The following SGMS1 variants were observed in gnomAD, a reference collection of about 807,000 sequenced individuals.
SGMS1 encodes the protein phosphatidylcholine:ceramide cholinephosphotransferase 1.
Under a neutral mutation model 46.2 loss-of-function variants are expected in SGMS1, and 13 were observed. That is an observed-to-expected ratio of 0.28 (90% CI 0.18 to 0.45). The LOEUF is 0.45. SGMS1 is among the 20% of genes least tolerant of loss of function. SGMS1 has a pLI of 1.00. For missense variants in SGMS1, 324 were observed against 519.9 expected, an observed-to-expected ratio of 0.62 and a Z score of 3.66; for synonymous variants, 203 against 187.8, an observed-to-expected ratio of 1.08 and a Z score of -0.66.
intron 5 of SGMS1, among the ~76,000 whole-genome samples, chr10:50,449,385 C>T (rs1194837107): frequency 1.3e-5 from 2 of 152,078 alleles, no homozygotes; most frequent in Admixed American, 6.5e-5. Flanking sequence ...GAGTGCAGGG[C>T]TTTGATTATG....
chr10:50,445,057 C>A (rs899417402), intron 5 of SGMS1, among the ~76,000 whole-genome samples: 4 of 152,058 alleles, frequency 2.6e-5, no homozygotes, highest in African/African-American at 9.7e-5. Flanking sequence ...AAAGATTTGA[C>A]AAGATACTTC....
Position 50,307,950 on chromosome 10 carries a change from C to T in SGMS1, c.1062+32G>A, listed in dbSNP as rs1314940041. The T allele has an allele frequency of 1.9e-6, 3 of 1,611,746 alleles. No individual in the cohort carries two copies. The highest frequency in any genetic ancestry group is 2.2e-5 in the South Asian group (2 of 90,792). On this transcript the variant is annotated intron_variant, in intron 10 of 10. Coordinates refer to ENST00000361781, the MANE Select transcript of SGMS1 (RefSeq NM_147156.4). The surrounding 1 kb of genome is among the most constrained non-coding windows in gnomAD (Gnocchi z 4.2). Reference sequence around the variant, plus strand: ...GCCAGCAACATCAAGCCAGAAACAACAGAAGCTAAAATCAAAAGCGGGGAA... The same window carrying T: ...GCCAGCAACATCAAGCCAGAAACAATAGAAGCTAAAATCAAAAGCGGGGAA...
intron 2 of SGMS1, among the ~76,000 whole-genome samples, chr10:50,556,212 T>A (rs959235855): frequency 1.3e-5 from 2 of 152,190 alleles, no homozygotes; most frequent in Admixed American, 1.3e-4. Flanking sequence ...GTAACCTCAT[T>A]CATTCATTTA....
At chr10:50,624,534 G>T, upstream of SGMS1, 1 of 951,934 alleles carries the variant, frequency 1.1e-6, no homozygotes. Context: ...GCGCGACGGA[G>T]GCGCAAGAGC....
In SGMS1 at chr10:50,554,818, C is replaced by T. The variant is rs115827163; in HGVS notation, c.-588-34897G>A. On this transcript the variant is annotated intron_variant, in intron 2 of 10. Transcript: ENST00000361781. ...CATCACTATGTATTCTTTTTCTAGA[C>T]ACACAAAATGTTCTACAAGTTGCTT... 3.4e-3 allele frequency among the ~76,000 whole-genome samples: 522 copies of T among 152,334 alleles called. 2 individuals carry two copies. Among genetic ancestry groups the T allele is most frequent in the African/African-American group, 0.012 (502 of 41,578 alleles).
chr10:50,546,637 C>T (rs1457855638), intron 2 of SGMS1, among the ~76,000 whole-genome samples: 1 of 152,116 alleles, frequency 6.6e-6, no homozygotes, highest in Non-Finnish European at 1.5e-5. Context: ...AAACCAAACA[C>T]CGCATGTTCT....
intron 7 of SGMS1, chr10:50,341,182 C>A: frequency 2.9e-6 from 1 of 342,828 alleles, no homozygotes; most frequent in Admixed American, 3.7e-5. Context: ...TAACTAGAAA[C>A]AAAGGGTCCC....
intron 5 of SGMS1, among the ~76,000 whole-genome samples, chr10:50,453,844 A>AGGGAGGGGGG (rs1564918339): frequency 1.4e-4 from 1 of 7,244 alleles, no homozygotes; most frequent in Non-Finnish European, 2.5e-4. Context: ...GAGAGGAGGG[A>AGGGAGGGGGG]GGGAGGGAGG....
At position 50,344,220 on chromosome 10, in the gene SGMS1, G is replaced by C; in HGVS notation, c.-106C>G. ...CTGCCTCGGCTCGTTCATCCTGTGG[G>C]GCCTCATGAGCAGAGACTTGTTTGG... On this transcript the variant is annotated 5_prime_UTR_variant, in exon 7 of 11. Transcript: ENST00000361781. 2 of 1,432,082 alleles carry C rather than the reference G, an allele frequency of 1.4e-6. No homozygotes were observed. Among genetic ancestry groups the C allele is most frequent in the Non-Finnish European group, 1.9e-6 (2 of 1,076,370 alleles). The allele number at this position is 1,432,082 out of a possible 1,614,324, so 88.7% of individuals were successfully genotyped here.
chr10:50,454,870 A>G (rs575023215), intron 5 of SGMS1, among the ~76,000 whole-genome samples: 1 of 152,218 alleles, frequency 6.6e-6, no homozygotes, highest in Non-Finnish European at 1.5e-5. Flanking sequence ...AGAAGTAAAC[A>G]GCCAACAAGA....
intron 2 of SGMS1, among the ~76,000 whole-genome samples, chr10:50,582,061 G>A (rs1226083022): frequency 6.6e-6 from 1 of 152,346 alleles, no homozygotes; most frequent in East Asian, 1.9e-4. Context: ...CAAGCTTTGT[G>A]AATGCTGAAT....
chr10:50,361,035 T>G (rs1251490535), intron 6 of SGMS1, among the ~76,000 whole-genome samples: 1 of 152,130 alleles, frequency 6.6e-6, no homozygotes, highest in East Asian at 1.9e-4. Flanking sequence ...CTCTATCTAC[T>G]CACCTATAAA....
chr10:50,432,537 G>T (rs966721450), intron 6 of SGMS1, among the ~76,000 whole-genome samples: 2 of 139,214 alleles, frequency 1.4e-5, no homozygotes, highest in Non-Finnish European at 3.2e-5. Flanking sequence ...TTGCCAGCTT[G>T]TTAACATCTA....
chr10:50,463,979 C>T (rs1837298658), intron 4 of SGMS1, among the ~76,000 whole-genome samples: 1 of 152,110 alleles, frequency 6.6e-6, no homozygotes, highest in Non-Finnish European at 1.5e-5. Flanking sequence ...GCCACATTTA[C>T]AGAAACAGAA....
At position 50,310,469 on chromosome 10, in the gene SGMS1, ATT is replaced by A. The variant is rs1847236708; in HGVS notation, c.895+791_895+792del. ...CAAAATCTCATATCTCAAAAACATA[ATT>A]TGAGGGTAAATAGTGGCAGAAGAAT... On this transcript the variant is annotated intron_variant, in intron 9 of 10. Coordinates refer to ENST00000361781, the MANE Select transcript of SGMS1 (RefSeq NM_147156.4). 1.3e-5 allele frequency among the ~76,000 whole-genome samples: 2 copies of A among 152,206 alleles called. 1 individual carries two copies. Among genetic ancestry groups the A allele is most frequent in the South Asian group, 4.1e-4 (2 of 4,834 alleles).
intron 6 of SGMS1, among the ~76,000 whole-genome samples, chr10:50,345,539 T>C (rs768880933): frequency 1.4e-4 from 21 of 152,290 alleles, no homozygotes; most frequent in Non-Finnish European, 7.4e-5. Context: ...TATAAATTTA[T>C]GCATAAATAG....
intron 7 of SGMS1, among the ~76,000 whole-genome samples, chr10:50,337,108 C>T (rs1017563535): frequency 3.3e-5 from 5 of 151,874 alleles, no homozygotes; most frequent in African/African-American, 1.2e-4. Flanking sequence ...GGTAAGTATC[C>T]GAAAAAGCAC....
At chr10:50,577,982 A>T (rs1838400162) in intron 2 of SGMS1, among the ~76,000 whole-genome samples, 2 of 152,226 alleles carry the variant, frequency 1.3e-5, no homozygotes, top group Non-Finnish European at 2.9e-5. Context: ...GCTAGAAGGA[A>T]GGACTGGTAT....
chr10:50,313,462 G>T (rs149408581), intron 8 of SGMS1, among the ~76,000 whole-genome samples: 76 of 152,320 alleles, frequency 5.0e-4, no homozygotes, highest in African/African-American at 1.7e-3. Context: ...AAAAGGCGCT[G>T]TTGGGGTCAG....
Sources: allele counts gnomAD v4.1 joint callset (sites outside exome capture counted in the v4.1 genomes callset), GRCh38; gene constraint gnomAD v4.1.1; non-coding constraint Gnocchi (gnomAD v3.1); transcripts MANE v1.5; gene names NCBI Gene and HGNC (gene_info 2026-07-23, HGNC 2026-07-21).